CCDC192: variants seen among roughly 807,000 people sequenced by gnomAD.
The protein encoded by CCDC192 is coiled-coil domain containing 192, also known as coiled-coil domain-containing protein 192.
At chr5:127,929,794 T>C (rs1753967903) in intron 6 of CCDC192, among the ~76,000 whole-genome samples, 1 of 152,196 alleles carries the variant, frequency 6.6e-6, no homozygotes, top group Non-Finnish European at 1.5e-5. Context: ...AAACAAATTA[T>C]CTAAGTAGGC....
intron 5 of CCDC192, among the ~76,000 whole-genome samples, chr5:127,805,654 A>T (rs1440499996): frequency 6.6e-6 from 1 of 152,180 alleles, no homozygotes; most frequent in Non-Finnish European, 1.5e-5. Flanking sequence ...TCTAAATGGA[A>T]CATTCCTCAG....
At chr5:127,815,762 G>C (rs1272773547) in intron 5 of CCDC192, among the ~76,000 whole-genome samples, 1 of 152,092 alleles carries the variant, frequency 6.6e-6, no homozygotes, top group Non-Finnish European at 1.5e-5. Flanking sequence ...CAGCTCCTCA[G>C]GAGGCTGAGG....
intron 3 of CCDC192, among the ~76,000 whole-genome samples, chr5:127,780,273 G>C (rs1756130575): frequency 6.6e-6 from 1 of 152,090 alleles, no homozygotes. Flanking sequence ...CTATAAACAA[G>C]CATGTCCAAG....
chr5:127,796,820 G>A (rs972476709), intron 3 of CCDC192, among the ~76,000 whole-genome samples: 1 of 152,094 alleles, frequency 6.6e-6, no homozygotes, highest in African/African-American at 2.4e-5. Context: ...GAGTGTTGAG[G>A]TCTTTGCATT....
chr5:127,784,547 GTTGTTTACATTCTT>G, intron 3 of CCDC192: 1 of 419,048 alleles, frequency 2.4e-6, no homozygotes, highest in East Asian at 6.1e-5. Context: ...GTAAACTTGA[GTTGTTTACATTCTT>G]TCCAACATGA....
chr5:127,882,177 G>T (rs1752382339), intron 6 of CCDC192, among the ~76,000 whole-genome samples: 2 of 152,190 alleles, frequency 1.3e-5, no homozygotes, highest in Admixed American at 1.3e-4. Flanking sequence ...TTGAGGGGAA[G>T]CCTGTAATGG....
chr5:127,924,711 C>G lies in CCDC192; in HGVS notation c.536-16471C>G, dbSNP rs965504560. 3.9e-5 allele frequency among the ~76,000 whole-genome samples: 6 copies of G among 152,278 alleles called. No homozygotes were observed. In the South Asian group the frequency reaches 1.2e-3, roughly 32 times the overall value. On this transcript the variant is annotated intron_variant, in intron 6 of 6. Transcript: ENST00000514853. Reference sequence around the variant, plus strand: ...TGAAAAGTGGCCTGCATGTTTCAGACCTGTCTGAACAATGGATAGGTGCTG... The same window carrying G: ...TGAAAAGTGGCCTGCATGTTTCAGAGCTGTCTGAACAATGGATAGGTGCTG...
chr5:127,703,064 A>G (rs1365791400), upstream of CCDC192, among the ~76,000 whole-genome samples: 1 of 152,170 alleles, frequency 6.6e-6, no homozygotes, highest in Non-Finnish European at 1.5e-5. Context: ...CTGTAAACCA[A>G]TGCATTTCTG....
chr5:127,815,716 A>G (rs1748986304), intron 5 of CCDC192, among the ~76,000 whole-genome samples: 1 of 151,998 alleles, frequency 6.6e-6, no homozygotes. Flanking sequence ...AAATACAAAA[A>G]AATTAGCCAG....
chr5:127,924,869 A>C (rs1350735308), intron 6 of CCDC192, among the ~76,000 whole-genome samples: 1 of 152,210 alleles, frequency 6.6e-6, no homozygotes, highest in Non-Finnish European at 1.5e-5. Context: ...GTAAATGTTT[A>C]TCTTTCCCCA....
intron 6 of CCDC192, among the ~76,000 whole-genome samples, chr5:127,902,143 A>G (rs536593908): frequency 6.6e-6 from 1 of 152,218 alleles, no homozygotes; most frequent in Admixed American, 6.5e-5. Flanking sequence ...ATAGTGGTGC[A>G]TGCCTGTAAT....
intron 2 of CCDC192, among the ~76,000 whole-genome samples, chr5:127,712,819 G>A (rs1213745): frequency 0.78 from 118,467 of 152,180 alleles, 46,243 homozygotes; most frequent in East Asian, 0.89. Flanking sequence ...TTTAACTTTT[G>A]AAAAACCTGC....
intron 5 of CCDC192, among the ~76,000 whole-genome samples, chr5:127,809,668 G>A (rs1757973032): frequency 6.6e-6 from 1 of 152,186 alleles, no homozygotes; most frequent in Admixed American, 6.5e-5. Context: ...TTCTAGGCTA[G>A]CTAGTATTGC....
At chr5:127,855,857 T>A (rs1392827784) in intron 5 of CCDC192, among the ~76,000 whole-genome samples, 1 of 152,218 alleles carries the variant, frequency 6.6e-6, no homozygotes, top group South Asian at 2.1e-4. Flanking sequence ...GTCTCAACAG[T>A]ATTCCTAAAA....
intron 6 of CCDC192, among the ~76,000 whole-genome samples, chr5:127,902,818 T>C (rs1272200490): frequency 6.6e-6 from 1 of 152,320 alleles, no homozygotes; most frequent in East Asian, 1.9e-4. Flanking sequence ...AGTACCCTAG[T>C]GCTTCAGCAA....
intron 3 of CCDC192, among the ~76,000 whole-genome samples, chr5:127,771,702 A>G (rs971979141): frequency 6.6e-6 from 1 of 152,246 alleles, no homozygotes; most frequent in Non-Finnish European, 1.5e-5. Context: ...TTGTTCAGTA[A>G]GAATGCTTTC....
chr5:127,787,466 C>T (rs1756612421), intron 3 of CCDC192, among the ~76,000 whole-genome samples: 1 of 152,106 alleles, frequency 6.6e-6, no homozygotes. Flanking sequence ...TTTTAATTTG[C>T]CTTGTGATTT....
chr5:127,888,056 A>C lies in CCDC192; in HGVS notation c.535+12395A>C, dbSNP rs368518577. On this transcript the variant is annotated intron_variant, in intron 6 of 6. Transcript: ENST00000514853. ...GCTTTCAACATGAGAACTCCTTTAA[A>C]ATACATATTTTTAATTTTCAATTTT... Among the ~76,000 whole-genome samples the C allele has an allele frequency of 1.5e-3, 234 of 152,202 alleles. 2 individuals are homozygous for C. Among genetic ancestry groups the C allele is most frequent in the African/African-American group, 5.3e-3 (222 of 41,536 alleles).
intron 5 of CCDC192, among the ~76,000 whole-genome samples, chr5:127,841,192 G>A (rs562702484): frequency 6.6e-6 from 1 of 152,204 alleles, no homozygotes; most frequent in East Asian, 1.9e-4. Context: ...AGGATGTGGA[G>A]CAACAGTATA....
Sources: gnomAD v4.1 joint callset for allele counts (sites outside exome capture counted in the v4.1 genomes callset) on GRCh38, gnomAD v4.1.1 for gene constraint, MANE v1.5 for transcripts, NCBI Gene and HGNC (gene_info 2026-07-23, HGNC 2026-07-21) for gene names.